SYN3: variants seen among roughly 807,000 people sequenced by gnomAD.
SYN3 encodes the protein synapsin-3.
Under a neutral mutation model 65.8 loss-of-function variants are expected in SYN3, and 35 were observed. The ratio of observed to expected loss-of-function variants is 0.53; its 90% CI spans 0.41 to 0.70. The LOEUF (loss-of-function observed/expected upper bound fraction) is 0.70, where lower values mean the gene tolerates loss of function less well. Ranked by LOEUF, SYN3 falls within the 30% of genes least tolerant of loss-of-function variation. The pLI, the probability that SYN3 is intolerant of heterozygous loss-of-function variation, is 0.00. For synonymous variants in SYN3, 270 were observed against 292.9 expected, an observed-to-expected ratio of 0.92 and a Z score of 0.80; for missense variants, 680 against 749.0, an observed-to-expected ratio of 0.91 and a Z score of 1.08.
intron 2 of SYN3, among the ~76,000 whole-genome samples, chr22:33,005,799 C>T (rs133943): frequency 0.72 from 110,032 of 152,132 alleles, 40,548 homozygotes; most frequent in African/African-American, 0.83. Context: ...ATCCTCATAA[C>T]AAGCTCATTT....
chr22:32,966,538 G>C (rs934718719), intron 3 of SYN3, among the ~76,000 whole-genome samples: 2 of 152,174 alleles, frequency 1.3e-5, no homozygotes, highest in Non-Finnish European at 2.9e-5. Context: ...AGCCCTTTAT[G>C]CATGAGAGGA....
chr22:33,038,976 T>C (rs926618029), intron 1 of SYN3, among the ~76,000 whole-genome samples: 1 of 151,938 alleles, frequency 6.6e-6, no homozygotes, highest in Non-Finnish European at 1.5e-5. Flanking sequence ...GAGCGGAGAG[T>C]TCTGGGCAGG....
chr22:32,856,320 G>T (rs906262209), intron 6 of SYN3, among the ~76,000 whole-genome samples: 5 of 152,140 alleles, frequency 3.3e-5, no homozygotes, highest in Non-Finnish European at 7.4e-5. Context: ...GGAATGGGGG[G>T]TATGGCTGGC....
At chr22:32,608,681 T>A (rs1398716860) in intron 6 of SYN3, among the ~76,000 whole-genome samples, 1 of 152,220 alleles carries the variant, frequency 6.6e-6, no homozygotes, top group East Asian at 1.9e-4. Context: ...AGACTTGCGT[T>A]TAAATATCAT....
intron 6 of SYN3, among the ~76,000 whole-genome samples, chr22:32,624,119 C>T (rs1054871634): frequency 2.0e-5 from 3 of 152,204 alleles, no homozygotes; most frequent in East Asian, 1.9e-4. Context: ...CTTCCGAGTC[C>T]GGTTATTGCT....
At chr22:32,878,691 T>C (rs1266439384) in intron 4 of SYN3, among the ~76,000 whole-genome samples, 1 of 152,214 alleles carries the variant, frequency 6.6e-6, no homozygotes, top group Admixed American at 6.5e-5. Context: ...CTCTTCAACC[T>C]TTTTTGGAAG....
At chr22:32,717,024 A>G (rs1178459158) in intron 6 of SYN3, among the ~76,000 whole-genome samples, 1 of 152,102 alleles carries the variant, frequency 6.6e-6, no homozygotes, top group Non-Finnish European at 1.5e-5. Context: ...CACCTCTCCT[A>G]TTATTACTTT....
At chr22:32,589,094 G>C (rs2059092802) in intron 7 of SYN3, among the ~76,000 whole-genome samples, 1 of 152,196 alleles carries the variant, frequency 6.6e-6, no homozygotes, top group Non-Finnish European at 1.5e-5. Flanking sequence ...CACTGCCTGT[G>C]GGGTAGCCCT....
At chr22:33,018,520 C>A (rs2053508296) in intron 1 of SYN3, among the ~76,000 whole-genome samples, 1 of 152,106 alleles carries the variant, frequency 6.6e-6, no homozygotes, top group Admixed American at 6.5e-5. Flanking sequence ...GAGGCTGTGG[C>A]ATGAAGAAAA....
chr22:32,522,053 T>A (rs1264760917), intron 12 of SYN3, among the ~76,000 whole-genome samples: 1 of 152,202 alleles, frequency 6.6e-6, no homozygotes, highest in Non-Finnish European at 1.5e-5. Context: ...TTAGTATTTT[T>A]CATATGAGCA....
intron 12 of SYN3, among the ~76,000 whole-genome samples, chr22:32,521,071 G>A (rs1175077105): frequency 1.3e-5 from 2 of 152,166 alleles, no homozygotes; most frequent in Admixed American, 6.5e-5. Context: ...GCGAGTAGAT[G>A]GGAGGTCACA....
chr22:32,949,182 G>A (rs1018321821), intron 3 of SYN3, among the ~76,000 whole-genome samples: 2 of 152,154 alleles, frequency 1.3e-5, no homozygotes, highest in African/African-American at 2.4e-5. Flanking sequence ...GGAGGCCAAG[G>A]TGGGAGAATC....
rs139759345 is a variant in SYN3 at position 32,630,607 on chromosome 22, G to A, written c.712-33871C>T. 3.2e-3 allele frequency among the ~76,000 whole-genome samples: 491 copies of A among 152,206 alleles called. 4 individuals carry two copies. The highest frequency in any genetic ancestry group is 0.011 in the African/African-American group (453 of 41,520). On this transcript the variant is annotated intron_variant, in intron 6 of 13. Transcript: ENST00000358763. Reference sequence around the variant, plus strand: ...ACACTTTTAAAAAACTGATGTGCACGTTACAAACAGTAAAATGAATACTTT... The same window carrying A: ...ACACTTTTAAAAAACTGATGTGCACATTACAAACAGTAAAATGAATACTTT...
chr22:32,782,472 G>A (rs1027063058), intron 6 of SYN3, among the ~76,000 whole-genome samples: 1 of 150,946 alleles, frequency 6.6e-6, no homozygotes, highest in Non-Finnish European at 1.5e-5. Flanking sequence ...AAGGTGTTGG[G>A]ATTACAGGTA....
At chr22:32,684,954 T>A (rs1399929452) in intron 6 of SYN3, among the ~76,000 whole-genome samples, 1 of 152,214 alleles carries the variant, frequency 6.6e-6, no homozygotes, top group Non-Finnish European at 1.5e-5. Flanking sequence ...AAGTAGGAAT[T>A]GGCAAACTGT....
At chr22:33,042,212 C>T (rs1000673080) in intron 1 of SYN3, among the ~76,000 whole-genome samples, 1 of 152,146 alleles carries the variant, frequency 6.6e-6, no homozygotes, top group South Asian at 2.1e-4. Context: ...CCCGAACTGT[C>T]TCTTGTTTAA....
At chr22:32,836,424 G>T (rs947263451) in intron 6 of SYN3, among the ~76,000 whole-genome samples, 2 of 152,200 alleles carry the variant, frequency 1.3e-5, no homozygotes, top group Non-Finnish European at 2.9e-5. Context: ...AATACCAGAG[G>T]TTGGCTTTAT....
chr22:32,859,171 T>A (rs1211151100), intron 6 of SYN3: 1 of 1,614,192 alleles, frequency 6.2e-7, no homozygotes, highest in Non-Finnish European at 8.5e-7. Flanking sequence ...GCCTGTTATC[T>A]AATTGCAGAT....
At chr22:32,843,403 G>T (rs2047969326) in intron 6 of SYN3, among the ~76,000 whole-genome samples, 1 of 152,196 alleles carries the variant, frequency 6.6e-6, no homozygotes, top group Admixed American at 6.5e-5. Context: ...TGCCCTCCTT[G>T]GGCAGGCTAC....
Sources: allele counts gnomAD v4.1 joint callset (sites outside exome capture counted in the v4.1 genomes callset), GRCh38; gene constraint gnomAD v4.1.1; transcripts MANE v1.5; gene names NCBI Gene and HGNC (gene_info 2026-07-23, HGNC 2026-07-21).